Variants in GSG1L observed in about 807,000 individuals in gnomAD.
GSG1L encodes GSG1 like.
A neutral mutation model predicts 42.1 loss-of-function variants in GSG1L; 24 were observed. That is an observed-to-expected ratio of 0.57 (90% CI 0.41 to 0.80). The LOEUF (loss-of-function observed/expected upper bound fraction) is 0.80, where lower values mean the gene tolerates loss of function less well. Among genes scored for constraint, GSG1L ranks in the 30% least tolerant of loss-of-function variants. The pLI, the probability that GSG1L is intolerant of heterozygous loss-of-function variation, is 0.00. For synonymous variants in GSG1L, 215 were observed against 203.5 expected (o/e 1.06, Z -0.48); for missense variants, 445 against 472.2 (o/e 0.94, Z 0.53).
intron 4 of GSG1L, among the ~76,000 whole-genome samples, chr16:27,835,957 T>A (rs1439119820): frequency 2.0e-5 from 3 of 152,166 alleles, no homozygotes; most frequent in Non-Finnish European, 4.4e-5. Context: ...TTTCTTATAT[T>A]CAAAACCCCT....
At chr16:27,885,735 C>T (rs1490430922) in intron 2 of GSG1L, among the ~76,000 whole-genome samples, 1 of 152,198 alleles carries the variant, frequency 6.6e-6, no homozygotes, top group African/African-American at 2.4e-5. Flanking sequence ...CAGGAAAGAG[C>T]AGTTCAGATG....
intron 5 of GSG1L, among the ~76,000 whole-genome samples, chr16:27,825,892 T>C (rs923262781): frequency 1.3e-5 from 2 of 152,138 alleles, no homozygotes; most frequent in African/African-American, 4.8e-5. Context: ...CTGCCATACT[T>C]CTAAGTTTCC....
At chr16:27,967,019 G>C (rs2085143661) in intron 1 of GSG1L, among the ~76,000 whole-genome samples, 1 of 152,144 alleles carries the variant, frequency 6.6e-6, no homozygotes, top group South Asian at 2.1e-4. Flanking sequence ...GATGGCCCCT[G>C]CGACACTAGA....
At chr16:27,987,956 A>AAC (rs1394754492) in intron 1 of GSG1L, among the ~76,000 whole-genome samples, 4 of 151,584 alleles carry the variant, frequency 2.6e-5, no homozygotes, top group Non-Finnish European at 5.9e-5. Flanking sequence ...AAAAAAAAAA[A>AAC]AAAAAAAAAA....
At chr16:27,960,958 G>A (rs947443310) in intron 2 of GSG1L, among the ~76,000 whole-genome samples, 1 of 152,068 alleles carries the variant, frequency 6.6e-6, no homozygotes, top group African/African-American at 2.4e-5. Flanking sequence ...TGGGGTTCTT[G>A]TAAAAGAAGC....
rs572276878 is a variant in GSG1L, at chr16:27,820,382, T to C, written c.830+8407A>G. Among the ~76,000 whole-genome samples, 45 of 151,684 alleles carry C rather than the reference T, an allele frequency of 3.0e-4. No homozygotes were observed. The East Asian group carries it at 8.6e-3, about 29-fold the overall frequency. ...GCTGTGGGAGCCGAAGAGAGAGCAA[T>C]TCGGGAGGCAGGTGGGTGCCGTGCC... On this transcript the variant is annotated intron_variant, in intron 5 of 6. Coordinates refer to ENST00000447459, the MANE Select transcript of GSG1L (RefSeq NM_001109763.2).
rs2082722378 is a variant in GSG1L, at chr16:27,789,073, GAGGATGGATGGAAGTCTGATACAAGGA to G, written c.*2270_*2296del. On this transcript the variant is annotated 3_prime_UTR_variant, in exon 7 of 7. Coordinates refer to ENST00000447459, the MANE Select transcript of GSG1L (RefSeq NM_001109763.2). ...AATGAGGATGTGTGACACATGGAAG[GAGGATGGATGGAAGTCTGATACAAGGA>G]AGGATGACAAGCAATCAATAGAAGA... The G allele has an allele frequency of 6.6e-6, 1 of 152,272 alleles. No individual in the cohort carries two copies. The highest frequency in any genetic ancestry group is 1.5e-5 in the Non-Finnish European group (1 of 68,066). The allele number at this position is 152,272 out of a possible 1,614,324, so 9.4% of individuals were successfully genotyped here.
intron 2 of GSG1L, among the ~76,000 whole-genome samples, chr16:27,961,066 C>T (rs1487046892): frequency 6.6e-6 from 1 of 152,218 alleles, no homozygotes; most frequent in Non-Finnish European, 1.5e-5. Context: ...CACACACGCA[C>T]TCACATGGGC....
At chr16:27,870,516 T>C (rs1003575089) in intron 3 of GSG1L, among the ~76,000 whole-genome samples, 9 of 151,394 alleles carry the variant, frequency 5.9e-5, no homozygotes, top group Non-Finnish European at 1.0e-4. Flanking sequence ...GTTCATCATC[T>C]TCCTCTGCCT....
At chr16:27,844,742 C>G (rs2140983203) in intron 4 of GSG1L, among the ~76,000 whole-genome samples, 1 of 152,292 alleles carries the variant, frequency 6.6e-6, no homozygotes, top group South Asian at 2.1e-4. Flanking sequence ...TGCATATAAA[C>G]AGGTGGTGGG....
At chr16:27,993,115 G>C (rs563279484) in intron 1 of GSG1L, among the ~76,000 whole-genome samples, 1 of 152,058 alleles carries the variant, frequency 6.6e-6, no homozygotes, top group Non-Finnish European at 1.5e-5. Context: ...TCAGGATTCC[G>C]GCCCAAGCAC....
At chr16:27,830,567 A>AT (rs764845165) in intron 4 of GSG1L, among the ~76,000 whole-genome samples, 2 of 152,206 alleles carry the variant, frequency 1.3e-5, no homozygotes, top group Non-Finnish European at 2.9e-5. Context: ...GCTGATGTAG[A>AT]TCTTCCAGAA....
At chr16:27,888,937 G>C (rs2084089350) in intron 2 of GSG1L, among the ~76,000 whole-genome samples, 1 of 100,808 alleles carries the variant, frequency 9.9e-6, no homozygotes, top group Non-Finnish European at 2.2e-5. Context: ...GATAGATATA[G>C]ATATAGATAT....
chr16:27,865,194 CT>C (rs1006800013), intron 3 of GSG1L, among the ~76,000 whole-genome samples: 6 of 152,194 alleles, frequency 3.9e-5, no homozygotes. Context: ...ATGTCCCTTA[CT>C]TCCCCCAACC....
chr16:27,834,166 T>C (rs1331304504), intron 4 of GSG1L, among the ~76,000 whole-genome samples: 1 of 152,190 alleles, frequency 6.6e-6, no homozygotes, highest in African/African-American at 2.4e-5. Flanking sequence ...TTGAATTGTG[T>C]CAAATGCTTT....
At chr16:28,045,195 C>A (rs8049083) in intron 1 of GSG1L, among the ~76,000 whole-genome samples, 37,818 of 151,992 alleles carry the variant, frequency 0.25, 5,197 homozygotes, top group Non-Finnish European at 0.31. Flanking sequence ...TATGAGTGAA[C>A]CCTAATGTAA....
At chr16:27,927,928 C>T (rs2084613715) in intron 2 of GSG1L, among the ~76,000 whole-genome samples, 2 of 152,104 alleles carry the variant, frequency 1.3e-5, no homozygotes, top group Admixed American at 1.3e-4. Context: ...CCTAAAATCT[C>T]CCCAGGTGGT....
chr16:27,973,639 G>A (rs79389160), intron 1 of GSG1L, among the ~76,000 whole-genome samples: 10,622 of 151,958 alleles, frequency 0.07, 552 homozygotes, highest in East Asian at 0.28. Flanking sequence ...TTCAGTGCAG[G>A]GATTCTAGAG....
intron 1 of GSG1L, among the ~76,000 whole-genome samples, chr16:28,049,539 T>C (rs1195708139): frequency 6.6e-6 from 1 of 150,914 alleles, no homozygotes; most frequent in Non-Finnish European, 1.5e-5. Context: ...AATTAAAAAT[T>C]AGGTGGGCAT....
Sources: gnomAD v4.1 joint callset for allele counts (sites outside exome capture counted in the v4.1 genomes callset) on GRCh38, gnomAD v4.1.1 for gene constraint, MANE v1.5 for transcripts, NCBI Gene and HGNC (gene_info 2026-07-23, HGNC 2026-07-21) for gene names.